Variants in JAK2 observed in about 807,000 individuals in gnomAD.
The protein encoded by JAK2 is tyrosine-protein kinase JAK2.
Under a neutral mutation model 139.3 loss-of-function variants are expected in JAK2, and 86 were observed. The ratio of observed to expected loss-of-function variants is 0.62; its 90% confidence interval spans 0.52 to 0.74. The LOEUF is 0.74. JAK2 is among the 30% of genes least tolerant of loss of function. The pLI, the probability that JAK2 is intolerant of heterozygous loss-of-function variation, is 0.00. For synonymous variants in JAK2, 490 were observed against 437.7 expected (o/e 1.12, Z -1.49); for missense variants, 1,421 against 1,360.3 (o/e 1.04, Z -0.70).
rs757264322 is a variant in JAK2, at chr9:5,127,537, G to A, written c.*746G>A. Reference sequence around the variant, plus strand: ...AATCTATTTTATTATGGTTTCCCTTGTATCTATTTGTGGTGAATGTGTTTT... The same window carrying A: ...AATCTATTTTATTATGGTTTCCCTTATATCTATTTGTGGTGAATGTGTTTT... On this transcript the variant is annotated 3_prime_UTR_variant, in exon 25 of 25. Transcript: ENST00000381652. 4.3e-6 allele frequency: 1 copy of A among 230,914 alleles called. No individual in the cohort carries two copies. Among genetic ancestry groups the A allele is most frequent in the Non-Finnish European group, 8.6e-6 (1 of 116,334 alleles). The allele number at this position is 230,914 out of a possible 1,614,324, so 14.3% of individuals were successfully genotyped here. A position where few individuals can be genotyped will look rare whatever the true frequency, so the allele number is the denominator to read the frequency against.
chr9:4,998,334 G>A (rs1037740188), intron 2 of JAK2, among the ~76,000 whole-genome samples: 1 of 152,078 alleles, frequency 6.6e-6, no homozygotes, highest in Non-Finnish European at 1.5e-5. Flanking sequence ...TCAGCTCACT[G>A]CAACTTCTGC....
chr9:5,014,489 C>T (rs1291395781), intron 2 of JAK2, among the ~76,000 whole-genome samples: 1 of 152,080 alleles, frequency 6.6e-6, no homozygotes. Flanking sequence ...TCTAGTGGTA[C>T]AAGACAATGA....
intron 22 of JAK2, chr9:5,112,871 A>G: frequency 2.2e-6 from 1 of 445,894 alleles, no homozygotes; most frequent in Non-Finnish European, 3.6e-6. Flanking sequence ...CCGTGGGACG[A>G]GCCACCCGCC....
intron 4 of JAK2, among the ~76,000 whole-genome samples, chr9:5,034,372 A>G (rs1823404940): frequency 1.3e-5 from 2 of 152,222 alleles, no homozygotes; most frequent in East Asian, 3.8e-4. Flanking sequence ...AATTGAATTC[A>G]GCTCTGGACC....
At chr9:5,023,213 G>A (rs1232647830) in intron 3 of JAK2, among the ~76,000 whole-genome samples, 1 of 152,090 alleles carries the variant, frequency 6.6e-6, no homozygotes, top group East Asian at 1.9e-4. Context: ...CTACCTTCAT[G>A]TGATCAACTT....
chr9:5,100,535 A>C (rs1279478437), intron 22 of JAK2: 4 of 152,238 alleles, frequency 2.6e-5, no homozygotes, highest in Non-Finnish European at 4.4e-5. Context: ...TCTTCTGGGC[A>C]TTCTATCACT....
intron 5 of JAK2, 61 bp from the exon 6 acceptor site, chr9:5,050,625 T>A (rs942753438): frequency 6.8e-7 from 1 of 1,460,934 alleles, no homozygotes; most frequent in Non-Finnish European, 9.5e-7. Context: ...AATATAATCA[T>A]AGATTAAAAC....
intron 22 of JAK2, among the ~76,000 whole-genome samples, chr9:5,107,467 A>G (rs1376275898): frequency 1.3e-5 from 2 of 152,090 alleles, no homozygotes; most frequent in Admixed American, 1.3e-4. Flanking sequence ...TATTCAAACA[A>G]ATTACCTAAC....
chr9:5,113,026 G>T (rs954358033), intron 22 of JAK2, among the ~76,000 whole-genome samples: 2 of 151,966 alleles, frequency 1.3e-5, no homozygotes, highest in Non-Finnish European at 2.9e-5. Context: ...GTGAGTGATG[G>T]GGGTGAGGAA....
chr9:4,987,244 C>G (rs901367004), intron 2 of JAK2, among the ~76,000 whole-genome samples: 2 of 152,160 alleles, frequency 1.3e-5, no homozygotes, highest in African/African-American at 2.4e-5. Flanking sequence ...GTTTTAGGGA[C>G]TCATTAGGGA....
intron 8 of JAK2, among the ~76,000 whole-genome samples, chr9:5,064,525 C>CAA (rs1381775824): frequency 7.1e-5 from 6 of 84,708 alleles, no homozygotes; most frequent in Admixed American, 2.5e-4. Context: ...GCAAGACTCT[C>CAA]AAAAAAAAAA....
chr9:5,035,401 G>C (rs932451850), intron 4 of JAK2, among the ~76,000 whole-genome samples: 2 of 152,170 alleles, frequency 1.3e-5, no homozygotes, highest in African/African-American at 4.8e-5. Flanking sequence ...GCATCATCCT[G>C]ATACCAAAGC....
chr9:5,049,898 G>A (rs1307820911), intron 5 of JAK2, among the ~76,000 whole-genome samples: 2 of 152,128 alleles, frequency 1.3e-5, no homozygotes, highest in Non-Finnish European at 2.9e-5. Context: ...ACAACGGTAA[G>A]TATTTGTGTA....
intron 22 of JAK2, chr9:5,097,664 C>G (rs1821112034): frequency 6.6e-6 from 1 of 152,218 alleles, no homozygotes; most frequent in Admixed American, 6.5e-5. Flanking sequence ...ATCAAATGAT[C>G]TCCCGCAATG....
chr9:5,122,099 G>C (rs1823664475), intron 22 of JAK2, among the ~76,000 whole-genome samples: 1 of 152,182 alleles, frequency 6.6e-6, no homozygotes, highest in African/African-American at 2.4e-5. Context: ...ATAAGACCTG[G>C]AGTAGGCAGG....
intron 2 of JAK2, among the ~76,000 whole-genome samples, chr9:5,014,660 C>A (rs886285585): frequency 6.6e-6 from 1 of 152,142 alleles, no homozygotes; most frequent in African/African-American, 2.4e-5. Context: ...AGTGTCCAAA[C>A]TTATTGACTG....
At chr9:5,027,043 T>C (rs183305332) in intron 3 of JAK2, among the ~76,000 whole-genome samples, 2 of 152,368 alleles carry the variant, frequency 1.3e-5, no homozygotes, top group East Asian at 3.9e-4. Context: ...CAACTCCTTC[T>C]GTGCAACCAC....
At chr9:5,101,236 G>C (rs886775568) in intron 22 of JAK2, among the ~76,000 whole-genome samples, 3 of 152,346 alleles carry the variant, frequency 2.0e-5, no homozygotes, top group Middle Eastern at 3.4e-3. Flanking sequence ...TATATCCCAT[G>C]TCTGGCTTGG....
rs1458930632 is a variant in JAK2 at position 5,128,069 on chromosome 9, T to C, written c.*1278T>C. The C allele has an allele frequency of 9.1e-6, 2 of 219,074 alleles. No homozygotes were observed. Among genetic ancestry groups the C allele is most frequent in the East Asian group, 1.2e-4 (2 of 16,110 alleles). 13.6% of individuals were successfully genotyped at this position (219,074 alleles called of 1,614,324 possible). ...TTTAGACACCATAGCTAAAATAAAA[T>C]ATGGTGGGTTTTGTGTGTGTGTGTG... On this transcript the variant is annotated 3_prime_UTR_variant, in exon 25 of 25. Transcript: ENST00000381652.
Sources: allele counts gnomAD v4.1 joint callset (sites outside exome capture counted in the v4.1 genomes callset), GRCh38; gene constraint gnomAD v4.1.1; transcripts MANE v1.5; gene names NCBI Gene and HGNC (gene_info 2026-07-23, HGNC 2026-07-21).